ERBB4: variants seen among roughly 807,000 people sequenced by gnomAD.
The protein encoded by ERBB4 is receptor tyrosine-protein kinase erbB-4.
Under a neutral mutation model 158.0 loss-of-function variants are expected in ERBB4, and 42 were observed. The ratio of observed to expected loss-of-function variants is 0.27; its 90% CI spans 0.21 to 0.34. The LOEUF is 0.34. Ranked by LOEUF, ERBB4 falls within the 10% of genes least tolerant of loss-of-function variation. The pLI is 1.00. For synonymous variants in ERBB4, 583 were observed against 558.7 expected, an observed-to-expected ratio of 1.04 and a Z score of -0.61; for missense variants, 1,333 against 1,624.1, an observed-to-expected ratio of 0.82 and a Z score of 3.08.
intron 5 of ERBB4, among the ~76,000 whole-genome samples, chr2:211,739,068 T>A (rs1050248037): frequency 6.6e-6 from 1 of 152,218 alleles, no homozygotes; most frequent in African/African-American, 2.4e-5. Context: ...TGTTTTTAAA[T>A]TTTTAATCTA....
intron 1 of ERBB4, among the ~76,000 whole-genome samples, chr2:212,479,625 G>A (rs1386743966): frequency 6.6e-6 from 1 of 152,092 alleles, no homozygotes; most frequent in Non-Finnish European, 1.5e-5. Flanking sequence ...CACAATATTA[G>A]GAAGTAACAG....
At chr2:211,637,278 T>G (rs545707338) in intron 16 of ERBB4, among the ~76,000 whole-genome samples, 1 of 151,954 alleles carries the variant, frequency 6.6e-6, no homozygotes, top group Non-Finnish European at 1.5e-5. Flanking sequence ...TGACTCTCTA[T>G]TAAAATCAAA....
chr2:212,003,516 A>G (rs2076189533), intron 2 of ERBB4, among the ~76,000 whole-genome samples: 1 of 151,868 alleles, frequency 6.6e-6, no homozygotes, highest in Admixed American at 6.6e-5. Context: ...ACTTCCTAGA[A>G]CTAAATGGAA....
chr2:211,553,572 G>T (rs997289478), intron 20 of ERBB4, among the ~76,000 whole-genome samples: 4 of 152,080 alleles, frequency 2.6e-5, no homozygotes, highest in Admixed American at 2.6e-4. Context: ...AGTGATTTCA[G>T]ATATTATCTA....
intron 2 of ERBB4, among the ~76,000 whole-genome samples, chr2:212,025,728 T>C (rs1436778225): frequency 6.6e-6 from 1 of 151,704 alleles, no homozygotes; most frequent in African/African-American, 2.4e-5. Context: ...AACTAGTAAA[T>C]CTACTCATAC....
chr2:211,924,269 T>A (rs1575384466), intron 3 of ERBB4, among the ~76,000 whole-genome samples: 1 of 152,128 alleles, frequency 6.6e-6, no homozygotes, highest in Non-Finnish European at 1.5e-5. Context: ...GGGGTTGGCA[T>A]GATAACATGG....
chr2:212,409,677 A>G (rs565941993), intron 1 of ERBB4, among the ~76,000 whole-genome samples: 1 of 152,270 alleles, frequency 6.6e-6, no homozygotes, highest in South Asian at 2.1e-4. Context: ...TCATGCTGAG[A>G]ATTCATTAAG....
intron 1 of ERBB4, among the ~76,000 whole-genome samples, chr2:212,415,891 T>G (rs951557126): frequency 6.6e-6 from 1 of 152,162 alleles, no homozygotes; most frequent in Non-Finnish European, 1.5e-5. Context: ...TATTTTTCCA[T>G]TCAAATTATG....
chr2:212,000,669 T>G (rs1266570752), intron 2 of ERBB4, among the ~76,000 whole-genome samples: 1 of 151,854 alleles, frequency 6.6e-6, no homozygotes, highest in Non-Finnish European at 1.5e-5. Context: ...TAAATGGACT[T>G]AAATACCAAG....
rs181764019 is a variant in ERBB4 at position 211,833,558 on chromosome 2, T to A, written c.422-45399A>T. Among the ~76,000 whole-genome samples, 100 of 152,064 alleles carry A rather than the reference T, an allele frequency of 6.6e-4. 2 individuals carry two copies. The highest frequency in any genetic ancestry group is 2.3e-3 in the African/African-American group (95 of 41,532). Reference sequence around the variant, plus strand: ...TCTAGCTCTGAGCTATAGATAGATATGATCATCTTCCCTGAGGGATGGATA... The same window carrying A: ...TCTAGCTCTGAGCTATAGATAGATAAGATCATCTTCCCTGAGGGATGGATA... On this transcript the variant is annotated intron_variant, in intron 3 of 27. Coordinates refer to ENST00000342788, the MANE Select transcript of ERBB4 (RefSeq NM_005235.3).
intron 4 of ERBB4, among the ~76,000 whole-genome samples, chr2:211,768,562 A>T (rs1284112095): frequency 6.6e-6 from 1 of 152,212 alleles, no homozygotes; most frequent in African/African-American, 2.4e-5. Context: ...AGAGGTTCTC[A>T]AACCTCAATT....
At chr2:211,615,737 G>A (rs1414135432) in intron 19 of ERBB4, among the ~76,000 whole-genome samples, 1 of 152,054 alleles carries the variant, frequency 6.6e-6, no homozygotes, top group African/African-American at 2.4e-5. Context: ...AAGTTTCATT[G>A]TGGTGATAAA....
chr2:212,520,371 G>T (rs1575073786), intron 1 of ERBB4, among the ~76,000 whole-genome samples: 1 of 151,848 alleles, frequency 6.6e-6, no homozygotes, highest in South Asian at 2.1e-4. Flanking sequence ...AAGGTTATTT[G>T]CATGTAAAAA....
intron 1 of ERBB4, among the ~76,000 whole-genome samples, chr2:212,468,325 C>A (rs1250469736): frequency 2.0e-5 from 3 of 152,038 alleles, no homozygotes; most frequent in African/African-American, 2.4e-5. Context: ...TGTGTCCCCA[C>A]CCAAATCTCA....
chr2:211,675,973 C>T (rs193174628), intron 13 of ERBB4, among the ~76,000 whole-genome samples: 93 of 151,844 alleles, frequency 6.1e-4, no homozygotes, highest in Non-Finnish European at 1.2e-3. Flanking sequence ...CAAGATCTTA[C>T]GCATTTTCTC....
chr2:211,659,427 C>T (rs2071338652), intron 15 of ERBB4, among the ~76,000 whole-genome samples: 1 of 151,916 alleles, frequency 6.6e-6, no homozygotes, highest in African/African-American at 2.4e-5. Context: ...ACTAAAAAAG[C>T]TTCCAATTTG....
intron 1 of ERBB4, among the ~76,000 whole-genome samples, chr2:212,227,242 C>CT (rs1491343822): frequency 1.7e-5 from 1 of 57,310 alleles, no homozygotes; most frequent in African/African-American, 5.4e-5. Context: ...GAGACTCCAC[C>CT]TCAAAAAAAA....
intron 3 of ERBB4, among the ~76,000 whole-genome samples, chr2:211,945,657 G>A (rs987226946): frequency 6.6e-6 from 1 of 151,988 alleles, no homozygotes; most frequent in Non-Finnish European, 1.5e-5. Flanking sequence ...ACAATCTTAA[G>A]TAATACAAGT....
At chr2:211,987,797 A>G (rs188216208) in intron 2 of ERBB4, among the ~76,000 whole-genome samples, 2 of 152,354 alleles carry the variant, frequency 1.3e-5, no homozygotes, top group East Asian at 3.8e-4. Flanking sequence ...TGCCTCAAAT[A>G]ATGTATAAGG....
Sources: allele counts gnomAD v4.1 joint callset (sites outside exome capture counted in the v4.1 genomes callset), GRCh38; gene constraint gnomAD v4.1.1; transcripts MANE v1.5; gene names NCBI Gene and HGNC (gene_info 2026-07-23, HGNC 2026-07-21).